Variants in JPT1 observed in about 807,000 individuals in gnomAD.
JPT1 encodes Jupiter microtubule associated homolog 1.
JPT1 carries 5 observed loss-of-function variants against 17.0 expected under a neutral mutation model. The observed-to-expected ratio is 0.29, with a 90% CI of 0.15 to 0.62. The LOEUF (loss-of-function observed/expected upper bound fraction) is 0.62. JPT1 is among the 20% of genes least tolerant of loss of function. JPT1 has a pLI of 0.85. For synonymous variants in JPT1, 71 were observed against 73.6 expected (o/e 0.96, Z 0.18); for missense variants, 158 against 188.1 (o/e 0.84, Z 0.94).
chr17:75,136,312 G>T, intron 4 of JPT1, 62 bp from the exon 5 acceptor site: 2 of 1,465,012 alleles, frequency 1.4e-6, no homozygotes, highest in Non-Finnish European at 1.8e-6. Context: ...TAAGATCAAG[G>T]ATCTGTTTCT....
At chr17:75,136,329 CT>C (rs147209511) in intron 4 of JPT1, 79 bp from the exon 5 acceptor site, 8,170 of 1,222,034 alleles carry the variant, frequency 6.7e-3, no homozygotes, top group South Asian at 0.013. Context: ...TTCTCTTTTT[CT>C]TTTTTTTTTG....
intron 4 of JPT1, chr17:75,142,628 AGGGG>A (rs2074343798): frequency 3.6e-5 from 8 of 222,988 alleles, no homozygotes; most frequent in Non-Finnish European, 5.9e-5. Context: ...GAGGGGAGGG[AGGGG>A]AGGGAGGGGA....
intron 1 of JPT1, among the ~76,000 whole-genome samples, chr17:75,152,255 T>C (rs117484023): frequency 0.049 from 7,402 of 152,318 alleles, 239 homozygotes; most frequent in Non-Finnish European, 0.071. Flanking sequence ...TATTTAAGAC[T>C]GAACAAAAAT....
chr17:75,143,090 AG>A (rs1211495216), intron 4 of JPT1, among the ~76,000 whole-genome samples: 5 of 152,170 alleles, frequency 3.3e-5, no homozygotes, highest in Non-Finnish European at 7.4e-5. Flanking sequence ...CTTAATCCAG[AG>A]GGTCCTGCTC....
intron 1 of JPT1, chr17:75,149,279 C>T (rs2074498952): frequency 9.1e-6 from 3 of 329,398 alleles, no homozygotes; most frequent in South Asian, 4.6e-5. Flanking sequence ...TCGTTTCGGC[C>T]GGGAGGTCAA....
intron 4 of JPT1, among the ~76,000 whole-genome samples, chr17:75,143,285 T>A (rs2074362835): frequency 1.3e-5 from 2 of 152,262 alleles, no homozygotes; most frequent in Admixed American, 1.3e-4. Context: ...AGGGGCCAGG[T>A]GTAGCGGCTC....
At chr17:75,136,492 T>TTTTTTG (rs1555650292) in intron 4 of JPT1, among the ~76,000 whole-genome samples, 499 of 152,252 alleles carry the variant, frequency 3.3e-3, no homozygotes, top group African/African-American at 0.011. Flanking sequence ...ATGAAGTTTT[T>TTTTTTG]TTTTGTTTTG....
In JPT1 at chr17:75,146,624, A is replaced by G. The variant is rs900775743; in HGVS notation, c.316+42T>C. The G allele has an allele frequency of 8.9e-6, 13 of 1,457,998 alleles. No individual in the cohort carries two copies. In the African/African-American group the frequency reaches 1.3e-4, roughly 14 times the overall value. 90.3% of individuals were successfully genotyped at this position (1,457,998 alleles called of 1,614,324 possible). On this transcript the variant is annotated intron_variant, in intron 4 of 4. Transcript: ENST00000409753. ...AATCAAGATTCAGATCTGTCCTAAAACCATGGACAGAGCCAGAAATTTGGT... is the reference window on the plus strand; with the variant it reads ...AATCAAGATTCAGATCTGTCCTAAAGCCATGGACAGAGCCAGAAATTTGGT...
At chr17:75,152,213 G>C (rs765556224) in intron 1 of JPT1, among the ~76,000 whole-genome samples, 1 of 152,144 alleles carries the variant, frequency 6.6e-6, no homozygotes, top group Non-Finnish European at 1.5e-5. Context: ...TATTCTTTCA[G>C]AATCATACAC....
intron 4 of JPT1, among the ~76,000 whole-genome samples, chr17:75,143,896 T>C (rs1165894190): frequency 6.6e-6 from 1 of 151,728 alleles, no homozygotes; most frequent in Non-Finnish European, 1.5e-5. Flanking sequence ...CAAAAGGGGC[T>C]GGGCACAGTG....
intron 1 of JPT1, 30 bp from the exon 2 acceptor site, chr17:75,148,701 G>C: frequency 1.2e-6 from 2 of 1,610,472 alleles, no homozygotes; most frequent in Non-Finnish European, 1.7e-6. Flanking sequence ...ATCAACTTCA[G>C]ATCATACTGA....
At chr17:75,153,347 A>G (rs1429977952) in intron 1 of JPT1, 1 of 152,194 alleles carries the variant, frequency 6.6e-6, no homozygotes, top group Admixed American at 6.6e-5. Flanking sequence ...CAGTGCCCCA[A>G]GCCCAAAAAG....
chr17:75,143,026 C>A (rs1455770779), intron 4 of JPT1, among the ~76,000 whole-genome samples: 1 of 152,092 alleles, frequency 6.6e-6, no homozygotes, highest in Non-Finnish European at 1.5e-5. Context: ...GACCTCCTGT[C>A]CTCCTTTTAC....
chr17:75,136,370 A>G (rs1225227608), intron 4 of JPT1, 120 bp from the exon 5 acceptor site: 13 of 893,406 alleles, frequency 1.5e-5, no homozygotes, highest in Non-Finnish European at 2.1e-5. Context: ...ACCTAAAAGC[A>G]TAAACAAAAT....
In JPT1 at chr17:75,147,575, C is replaced by T; in HGVS notation, c.278G>A (p.Gly93Glu). 1 of 1,613,742 alleles carries T rather than the reference C, an allele frequency of 6.2e-7. No individual in the cohort carries two copies. The highest frequency in any genetic ancestry group is 8.5e-7 in the Non-Finnish European group (1 of 1,179,654). Reference protein sequence around the residue: ...QRRNSSEASSGDFLDLKGEGD... With the variant: ...QRRNSSEASSEDFLDLKGEGD... ...ACTGACCTTCAGATCTAAGAAGTCT[C>T]CGGAGCTTGCTTCAGAGGAGTTCCT... Residue 93 changes from glycine to glutamate, a missense_variant, in exon 3 of 5, where the codon GGA becomes GAA. By Grantham distance (98) the Gly-to-Glu change is moderately conservative (BLOSUM62 -2). Transcript: ENST00000409753.
chr17:75,142,561 G>T (rs954751526), intron 4 of JPT1, among the ~76,000 whole-genome samples: 3 of 133,440 alleles, frequency 2.2e-5, no homozygotes, highest in African/African-American at 5.6e-5. Context: ...CTCCGTCAAG[G>T]GGGGAGGGGA....
chr17:75,136,098 A>G lies in JPT1; in HGVS notation c.*4T>C. 2 of 1,614,252 alleles carry G rather than the reference A, an allele frequency of 1.2e-6. No homozygotes were observed. The highest frequency in any genetic ancestry group is 1.7e-6 in the Non-Finnish European group (2 of 1,180,032). ...CAGAACGACAGCGTTCAGGACAGTC[A>G]GAGCTAACCCAAGACGAGGCTGGAC... is the stretch of plus-strand genomic sequence containing the variant. On this transcript the variant is annotated 3_prime_UTR_variant, in exon 5 of 5. Transcript: ENST00000409753.
At chr17:75,143,223 C>G (rs2074361506) in intron 4 of JPT1, among the ~76,000 whole-genome samples, 4 of 152,168 alleles carry the variant, frequency 2.6e-5, no homozygotes, top group Admixed American at 1.3e-4. Context: ...AATCGTATTT[C>G]TGTACAGTTG....
intron 4 of JPT1, among the ~76,000 whole-genome samples, chr17:75,139,488 C>T (rs897005973): frequency 6.6e-6 from 1 of 151,904 alleles, no homozygotes; most frequent in African/African-American, 2.4e-5. Flanking sequence ...TAAAAAAGCA[C>T]CTATGGAGAC....
Sources: allele counts gnomAD v4.1 joint callset (sites outside exome capture counted in the v4.1 genomes callset), GRCh38; gene constraint gnomAD v4.1.1; transcripts MANE v1.5; gene names NCBI Gene and HGNC (gene_info 2026-07-23, HGNC 2026-07-21).